NAV3: variants seen among roughly 807,000 people sequenced by gnomAD.
The protein encoded by NAV3 is pore membrane and/or filament interacting like protein 1.
NAV3 carries 87 observed loss-of-function variants against 244.7 expected under a neutral mutation model. The ratio of observed to expected loss-of-function variants is 0.36; its 90% CI spans 0.30 to 0.42. The LOEUF is 0.42. NAV3 is among the 20% of genes least tolerant of loss of function. The pLI, the probability that NAV3 is intolerant of heterozygous loss-of-function variation, is 1.00. For synonymous variants in NAV3, 1,126 were observed against 1,042.2 expected (o/e 1.08, Z -1.55); for missense variants, 2,663 against 2,893.3 (o/e 0.92, Z 1.83).
intron 1 of NAV3, among the ~76,000 whole-genome samples, chr12:77,917,089 A>G (rs1487795638): frequency 4.6e-5 from 7 of 152,008 alleles, no homozygotes; most frequent in East Asian, 1.9e-4. Flanking sequence ...AAAATCTGAC[A>G]TATTATAAAG....
chr12:78,118,385 C>T (rs772744870), intron 14 of NAV3, 88 bp downstream of exon 14: 74 of 1,456,654 alleles, frequency 5.1e-5, no homozygotes, highest in Non-Finnish European at 6.4e-5. Flanking sequence ...AATAGCATTT[C>T]TAAAATACCA....
At chr12:78,170,713 G>T (rs432782) in intron 24 of NAV3, among the ~76,000 whole-genome samples, 7,417 of 151,760 alleles carry the variant, frequency 0.049, 196 homozygotes, top group Non-Finnish European at 0.071. Flanking sequence ...ATCCTGAATT[G>T]TTTTCAATTA....
At chr12:78,153,548 C>T (rs1013722421) in intron 22 of NAV3, among the ~76,000 whole-genome samples, 67 of 152,048 alleles carry the variant, frequency 4.4e-4, no homozygotes, top group African/African-American at 1.6e-3. Flanking sequence ...TCTGGCCTCT[C>T]GCCCACACCT....
In NAV3 at chr12:78,116,819, A is replaced by G. The variant is rs1176566119; in HGVS notation, c.2684A>G (p.Asp895Gly). ...SVSSGLSDTLDNISTDDLNTT... is the reference protein window; with the variant it reads ...SVSSGLSDTLGNISTDDLNTT... ...AGCAGTGGTCTCAGTGACACCCTTGATAACATCAGCACTGATGACCTGAAC... is the reference window on the plus strand; with the variant it reads ...AGCAGTGGTCTCAGTGACACCCTTGGTAACATCAGCACTGATGACCTGAAC... Residue 895 changes from aspartate to glycine, a missense_variant, in exon 13 of 40, where the codon GAT (aspartate) becomes GGT (glycine). Asp to Gly is a moderately conservative substitution (Grantham distance 94, BLOSUM62 -1). Around this residue, in one of 6 missense-constraint regions of NAV3, gnomAD observed 1,521 missense variants for 1,497.0 expected, o/e 1.02. Transcript: ENST00000397909. The G allele has an allele frequency of 1.2e-6, 2 of 1,610,272 alleles. No individual in the cohort carries two copies. The highest frequency in any genetic ancestry group is 1.7e-6 in the Non-Finnish European group (2 of 1,177,522).
intron 2 of NAV3, among the ~76,000 whole-genome samples, chr12:77,704,479 G>A (rs1208260493): frequency 2.0e-5 from 3 of 152,140 alleles, no homozygotes; most frequent in African/African-American, 7.2e-5. Context: ...AAATAGTATT[G>A]TGTACGTATG....
chr12:78,059,766 G>A (rs1438470513), intron 12 of NAV3, among the ~76,000 whole-genome samples: 1 of 151,920 alleles, frequency 6.6e-6, no homozygotes, highest in Non-Finnish European at 1.5e-5. Context: ...TTGTTAGAAA[G>A]AAACTCTGGT....
intron 5 of NAV3, among the ~76,000 whole-genome samples, chr12:77,994,362 G>A (rs181492706): frequency 1.3e-5 from 2 of 152,298 alleles, no homozygotes. Context: ...CAAATTAGAA[G>A]AGTTTACTAA....
intron 1 of NAV3, among the ~76,000 whole-genome samples, chr12:77,888,938 A>T (rs1883620339): frequency 6.6e-6 from 1 of 152,104 alleles, no homozygotes; most frequent in South Asian, 2.1e-4. Flanking sequence ...CTTGAAAAAA[A>T]TTTTAGGACA....
chr12:78,019,264 C>T (rs1049625792), intron 8 of NAV3, among the ~76,000 whole-genome samples: 2 of 152,230 alleles, frequency 1.3e-5, no homozygotes, highest in African/African-American at 2.4e-5. Flanking sequence ...TACACATATG[C>T]TACTCTTTCT....
At chr12:78,049,571 T>G (rs748651451) in intron 9 of NAV3, among the ~76,000 whole-genome samples, 8 of 152,282 alleles carry the variant, frequency 5.3e-5, no homozygotes, top group South Asian at 2.1e-4. Flanking sequence ...GAGATGAGCC[T>G]GGTACCTCAG....
At chr12:78,164,281 T>C (rs1283231933) in intron 23 of NAV3, among the ~76,000 whole-genome samples, 1 of 152,062 alleles carries the variant, frequency 6.6e-6, no homozygotes, top group Non-Finnish European at 1.5e-5. Flanking sequence ...GGCAGAGAAG[T>C]AGCCCCTTGT....
intron 34 of NAV3, among the ~76,000 whole-genome samples, chr12:78,195,685 T>G (rs1959167288): frequency 6.6e-6 from 1 of 152,066 alleles, no homozygotes; most frequent in African/African-American, 2.4e-5. Flanking sequence ...TGTAAATTCA[T>G]CATTATTTAC....
intron 2 of NAV3, among the ~76,000 whole-genome samples, chr12:77,662,084 T>G (rs1359562167): frequency 1.3e-5 from 2 of 152,002 alleles, no homozygotes; most frequent in Non-Finnish European, 2.9e-5. Flanking sequence ...TTACAATAAT[T>G]TTTGCTGGGA....
At chr12:78,019,576 AT>A (rs1331450132) in intron 8 of NAV3, among the ~76,000 whole-genome samples, 1 of 152,184 alleles carries the variant, frequency 6.6e-6, no homozygotes, top group Non-Finnish European at 1.5e-5. Context: ...TTAGGGAGGA[AT>A]TTTTTAAAAA....
intron 20 of NAV3, 115 bp downstream of exon 20, chr12:78,140,449 T>C: frequency 3.1e-6 from 3 of 967,412 alleles, no homozygotes; most frequent in Non-Finnish European, 4.8e-6. Flanking sequence ...AGGAGTTGTG[T>C]AGCAAAATAA....
chr12:78,023,333 C>T (rs557385842), intron 9 of NAV3, among the ~76,000 whole-genome samples: 1 of 152,178 alleles, frequency 6.6e-6, no homozygotes, highest in East Asian at 1.9e-4. Context: ...CCTTTGATCA[C>T]TTTTTCATTT....
At chr12:78,113,409 C>T (rs1955204329) in intron 12 of NAV3, among the ~76,000 whole-genome samples, 2 of 152,246 alleles carry the variant, frequency 1.3e-5, no homozygotes, top group Admixed American at 1.3e-4. Context: ...TCTGCCTGAA[C>T]ATCCAAGCAT....
intron 1 of NAV3, among the ~76,000 whole-genome samples, chr12:77,903,274 T>C (rs975145412): frequency 1.3e-5 from 2 of 152,156 alleles, no homozygotes; most frequent in African/African-American, 4.8e-5. Context: ...CAAAACAGCA[T>C]GGTACTAGTA....
chr12:77,700,331 G>A (rs1159306670), intron 2 of NAV3, among the ~76,000 whole-genome samples: 1 of 152,090 alleles, frequency 6.6e-6, no homozygotes, highest in African/African-American at 2.4e-5. Flanking sequence ...AAGCAGAAAT[G>A]GGAGCATGAA....
Sources: allele counts gnomAD v4.1 joint callset (sites outside exome capture counted in the v4.1 genomes callset), GRCh38; gene constraint gnomAD v4.1.1; regional missense constraint gnomAD v4.1.1; transcripts MANE v1.5; gene names NCBI Gene and HGNC (gene_info 2026-07-23, HGNC 2026-07-21).